LHFPL3: variants seen among roughly 807,000 people sequenced by gnomAD.
The protein encoded by LHFPL3 is LHFPL tetraspan subfamily member 3.
A neutral mutation model predicts 19.3 loss-of-function variants in LHFPL3; 5 were observed. The ratio of observed to expected loss-of-function variants is 0.26; its 90% CI spans 0.14 to 0.54. The LOEUF is 0.54. Ranked by LOEUF, LHFPL3 falls within the 20% of genes least tolerant of loss-of-function variation. LHFPL3 has a pLI of 0.94. For synonymous variants in LHFPL3, 133 were observed against 126.2 expected (o/e 1.05, Z -0.36); for missense variants, 249 against 307.4 (o/e 0.81, Z 1.42).
intron 1 of LHFPL3, among the ~76,000 whole-genome samples, chr7:104,443,593 T>C (rs1488351666): frequency 1.3e-5 from 2 of 152,222 alleles, no homozygotes; most frequent in Non-Finnish European, 2.9e-5. Flanking sequence ...CTCCAGGGCT[T>C]CTGTGTAACC....
At chr7:104,638,930 G>A (rs1219246364) in intron 1 of LHFPL3, among the ~76,000 whole-genome samples, 1 of 150,592 alleles carries the variant, frequency 6.6e-6, no homozygotes, top group Non-Finnish European at 1.5e-5. Flanking sequence ...ACCACACCCA[G>A]CATTTTTTTT....
At chr7:104,469,922 C>G (rs1792874055) in intron 1 of LHFPL3, 1 of 434,180 alleles carries the variant, frequency 2.3e-6, no homozygotes, top group South Asian at 1.7e-5. Flanking sequence ...AACATTCCCT[C>G]TGAGCACAGT....
At chr7:104,642,466 C>T (rs1791855839) in intron 1 of LHFPL3, among the ~76,000 whole-genome samples, 1 of 152,132 alleles carries the variant, frequency 6.6e-6, no homozygotes, top group South Asian at 2.1e-4. Context: ...TCTGGTTGTT[C>T]TGGAATAAAT....
intron 1 of LHFPL3, among the ~76,000 whole-genome samples, chr7:104,583,264 A>G (rs1790497486): frequency 6.6e-6 from 1 of 152,180 alleles, no homozygotes; most frequent in Non-Finnish European, 1.5e-5. Flanking sequence ...CCACATGTAG[A>G]AAGCTGAAAC....
At chr7:104,581,918 A>C (rs1242645947) in intron 1 of LHFPL3, among the ~76,000 whole-genome samples, 1 of 151,968 alleles carries the variant, frequency 6.6e-6, no homozygotes, top group African/African-American at 2.4e-5. Flanking sequence ...CAAGTACTGA[A>C]GTCCTTTAAC....
At chr7:104,476,874 G>A (rs942447488) in intron 1 of LHFPL3, among the ~76,000 whole-genome samples, 2 of 152,300 alleles carry the variant, frequency 1.3e-5, no homozygotes, top group African/African-American at 4.8e-5. Context: ...ATAGAAGCAC[G>A]TATCAGGGCA....
Position 104,594,429 on chromosome 7 carries a change from T to A in LHFPL3, c.446-142246T>A, listed in dbSNP as rs145558458. 5.5e-3 allele frequency among the ~76,000 whole-genome samples: 841 copies of A among 152,344 alleles called. 15 individuals are homozygous for A. Among genetic ancestry groups the A allele is most frequent in the African/African-American group, 0.019 (809 of 41,580 alleles). ...CCGCTGTTAGTCTGATGGGCTTCCC[T>A]CTGTGGGTAACTCAACCTTTCTCTC... On this transcript the variant is annotated intron_variant, in intron 1 of 2. Coordinates refer to ENST00000424859, the MANE Select transcript of LHFPL3 (RefSeq NM_199000.3).
chr7:104,453,115 C>T (rs1457547329), intron 1 of LHFPL3, among the ~76,000 whole-genome samples: 1 of 152,018 alleles, frequency 6.6e-6, no homozygotes, highest in Non-Finnish European at 1.5e-5. Context: ...TTAAAGTTGG[C>T]TGGTTCTTGA....
intron 1 of LHFPL3, among the ~76,000 whole-genome samples, chr7:104,449,867 C>G (rs1469919792): frequency 6.6e-6 from 1 of 152,166 alleles, no homozygotes; most frequent in Non-Finnish European, 1.5e-5. Context: ...AGTTTTCCAC[C>G]TTGAATGGCC....
rs11406584 is a variant in LHFPL3, at chr7:104,402,088, T to TAAA, written c.445+72875_445+72877dup. 6.1e-3 allele frequency among the ~76,000 whole-genome samples: 809 copies of TAAA among 132,356 alleles called. 57 individuals are homozygous for TAAA. In the East Asian group the frequency reaches 0.16, roughly 26 times the overall value. The allele number at this position is 132,356 out of a possible 152,430, so 86.8% of individuals were successfully genotyped here. ...TATAATCAGAAATAACCGTATAAAC[T>TAAA]AAAAAAAAAAAAACAAAAAACAACA... On this transcript the variant is annotated intron_variant, in intron 1 of 2. Transcript: ENST00000424859.
chr7:104,825,979 C>A (rs1287537716), intron 2 of LHFPL3, among the ~76,000 whole-genome samples: 1 of 151,850 alleles, frequency 6.6e-6, no homozygotes, highest in South Asian at 2.1e-4. Context: ...GGACACATTG[C>A]CGCCCCCAAC....
At chr7:104,633,011 G>A (rs1324943500) in intron 1 of LHFPL3, among the ~76,000 whole-genome samples, 1 of 152,202 alleles carries the variant, frequency 6.6e-6, no homozygotes, top group African/African-American at 2.4e-5. Flanking sequence ...AATCATGTGA[G>A]CATCTCAGAA....
chr7:104,665,461 T>A (rs1368926358), intron 1 of LHFPL3, among the ~76,000 whole-genome samples: 1 of 152,224 alleles, frequency 6.6e-6, no homozygotes, highest in Non-Finnish European at 1.5e-5. Flanking sequence ...CAGGCTTTTT[T>A]AACTATTAAA....
At chr7:104,613,255 G>A (rs1791243757) in intron 1 of LHFPL3, among the ~76,000 whole-genome samples, 1 of 152,144 alleles carries the variant, frequency 6.6e-6, no homozygotes, top group Non-Finnish European at 1.5e-5. Context: ...TAATGCCAGA[G>A]CCTCAGAACT....
At chr7:104,583,881 A>C (rs1001153891) in intron 1 of LHFPL3, among the ~76,000 whole-genome samples, 3 of 151,828 alleles carry the variant, frequency 2.0e-5, no homozygotes, top group East Asian at 3.9e-4. Flanking sequence ...TAGTTCAACC[A>C]TTGTGGAAGT....
intron 1 of LHFPL3, among the ~76,000 whole-genome samples, chr7:104,398,652 T>C (rs543337820): frequency 6.6e-6 from 1 of 152,318 alleles, no homozygotes; most frequent in South Asian, 2.1e-4. Context: ...AGGGATAAAG[T>C]AAATTCCCAG....
chr7:104,532,263 T>C (rs1794311646), intron 1 of LHFPL3, among the ~76,000 whole-genome samples: 1 of 151,212 alleles, frequency 6.6e-6, no homozygotes, highest in Admixed American at 6.6e-5. Flanking sequence ...ACTAAAGGCA[T>C]GTGCCACCAT....
intron 2 of LHFPL3, among the ~76,000 whole-genome samples, chr7:104,790,281 TA>T (rs1790000368): frequency 6.6e-6 from 1 of 152,196 alleles, no homozygotes; most frequent in South Asian, 2.1e-4. Context: ...AATCTCCTTA[TA>T]CCTGCTAAAA....
At chr7:104,580,880 CTT>C (rs1302497880) in intron 1 of LHFPL3, among the ~76,000 whole-genome samples, 2 of 151,856 alleles carry the variant, frequency 1.3e-5, no homozygotes, top group African/African-American at 4.8e-5. Context: ...TATTTTTTAT[CTT>C]GAGTAATATT....
Sources: allele counts gnomAD v4.1 joint callset (sites outside exome capture counted in the v4.1 genomes callset), GRCh38; gene constraint gnomAD v4.1.1; transcripts MANE v1.5; gene names NCBI Gene and HGNC (gene_info 2026-07-23, HGNC 2026-07-21).